Variants in RERE observed in about 807,000 individuals in gnomAD.
RERE encodes the protein arginine-glutamic acid dipeptide repeats.
A neutral mutation model predicts 146.1 loss-of-function variants in RERE; 40 were observed. The ratio of observed to expected loss-of-function variants is 0.27; its 90% CI spans 0.21 to 0.36. The LOEUF (loss-of-function observed/expected upper bound fraction) is 0.36, where lower values mean the gene tolerates loss of function less well. Ranked by LOEUF, RERE falls within the 10% of genes least tolerant of loss-of-function variation. RERE has a pLI of 1.00. For synonymous variants in RERE, 1,003 were observed against 866.0 expected (o/e 1.16, Z -2.78); for missense variants, 1,933 against 2,138.7 (o/e 0.90, Z 1.90).
chr1:8,483,985 T>C (rs1297570681), intron 10 of RERE, among the ~76,000 whole-genome samples: 1 of 152,172 alleles, frequency 6.6e-6, no homozygotes, highest in Non-Finnish European at 1.5e-5. Context: ...GGCAATAAAT[T>C]ACTGAGAAAG....
chr1:8,485,013 A>G (rs145901561), intron 10 of RERE, among the ~76,000 whole-genome samples: 115 of 152,352 alleles, frequency 7.5e-4, no homozygotes, highest in African/African-American at 2.7e-3. Context: ...TCATGTGGCC[A>G]TGAAAATAAG....
intron 11 of RERE, among the ~76,000 whole-genome samples, chr1:8,445,803 T>C (rs1356119943): frequency 1.3e-5 from 2 of 152,056 alleles, no homozygotes; most frequent in Non-Finnish European, 2.9e-5. Flanking sequence ...GTATTTTTCC[T>C]AATGCTATCC....
At chr1:8,521,734 A>T (rs192000530) in intron 7 of RERE, among the ~76,000 whole-genome samples, 24 of 152,146 alleles carry the variant, frequency 1.6e-4, no homozygotes, top group African/African-American at 5.8e-4. Context: ...CCCAATTGTC[A>T]CTTATTAGGT....
intron 1 of RERE, chr1:8,753,511 A>C (rs1640579651): frequency 6.6e-6 from 1 of 152,158 alleles, no homozygotes; most frequent in Non-Finnish European, 1.5e-5. Context: ...ATTTTAAAAG[A>C]TTTTAAAATG....
In RERE at chr1:8,364,109, C is replaced by A. The variant is rs1195390546; in HGVS notation, c.1687G>T (p.Asp563Tyr). 6.2e-7 allele frequency: 1 copy of A among 1,614,094 alleles called. No individual in the cohort carries two copies. The highest frequency in any genetic ancestry group is 8.5e-7 in the Non-Finnish European group (1 of 1,180,052). ...PFMFKPVKEE[D>Y]DGLSGKHSMR... ...CTATGCTTCCCACTGAGCCCATCAT[C>A]CTCTTCCTTGACGGGTTTGAACATA... Residue 563 changes from aspartate (D) to tyrosine (Y), a missense_variant, in exon 15 of 23, where the codon GAT becomes TAT. Physicochemically the swap from Asp to Tyr is radical, Grantham distance 160 (BLOSUM62 -3). Transcript: ENST00000400908. The surrounding 1 kb of genome is among the most constrained non-coding windows in gnomAD (Gnocchi z 5.1).
intron 1 of RERE, among the ~76,000 whole-genome samples, chr1:8,661,803 G>A (rs921084068): frequency 1.3e-5 from 2 of 152,204 alleles, no homozygotes; most frequent in Non-Finnish European, 2.9e-5. Flanking sequence ...CAGAGTCGAA[G>A]TTGGCAGAGG....
intron 1 of RERE, among the ~76,000 whole-genome samples, chr1:8,721,769 T>C (rs1286884360): frequency 6.6e-6 from 1 of 152,208 alleles, no homozygotes; most frequent in East Asian, 1.9e-4. Flanking sequence ...TATGTTCTCC[T>C]TTCTGACTGC....
chr1:8,638,377 G>A (rs1347957459), intron 2 of RERE, among the ~76,000 whole-genome samples: 2 of 152,178 alleles, frequency 1.3e-5, no homozygotes, highest in South Asian at 2.1e-4. Context: ...CATAAATGAA[G>A]TGAATGCTGA....
intron 12 of RERE, among the ~76,000 whole-genome samples, chr1:8,413,715 A>G (rs1643678423): frequency 6.6e-6 from 1 of 152,050 alleles, no homozygotes; most frequent in African/African-American, 2.4e-5. Flanking sequence ...TGTAACAGCA[A>G]CCAGCCTGGG....
At chr1:8,607,516 T>C (rs1395247733) in intron 4 of RERE, among the ~76,000 whole-genome samples, 1 of 148,250 alleles carries the variant, frequency 6.7e-6, no homozygotes, top group African/African-American at 2.5e-5. Context: ...CCCCGCATAT[T>C]TGTTTTTATA....
intron 1 of RERE, among the ~76,000 whole-genome samples, chr1:8,678,955 T>C (rs1638905149): frequency 6.6e-6 from 1 of 152,196 alleles, no homozygotes; most frequent in African/African-American, 2.4e-5. Context: ...CATGGCTATT[T>C]AAATAAATTT....
At chr1:8,504,360 GA>G (rs1397799225) in intron 8 of RERE, among the ~76,000 whole-genome samples, 2 of 152,204 alleles carry the variant, frequency 1.3e-5, no homozygotes, top group African/African-American at 4.8e-5. Context: ...TACGAAGGAA[GA>G]TGCTCCTACT....
intron 1 of RERE, among the ~76,000 whole-genome samples, chr1:8,777,660 G>C (rs1569776801): frequency 6.7e-6 from 1 of 150,304 alleles, no homozygotes; most frequent in African/African-American, 2.4e-5. Flanking sequence ...TCAGCCTCCT[G>C]AGTAGCTGGG....
At chr1:8,681,497 A>G (rs1160654418) in intron 1 of RERE, among the ~76,000 whole-genome samples, 1 of 152,184 alleles carries the variant, frequency 6.6e-6, no homozygotes, top group Admixed American at 6.5e-5. Context: ...AAAGGCAAAT[A>G]TTTACTTAGC....
intron 8 of RERE, among the ~76,000 whole-genome samples, chr1:8,498,099 G>A (rs778431822): frequency 1.4e-4 from 21 of 152,206 alleles, no homozygotes; most frequent in African/African-American, 3.4e-4. Flanking sequence ...GGTGGCTCAC[G>A]CCTGTAATCC....
chr1:8,543,090 C>T (rs1645818345), intron 6 of RERE, among the ~76,000 whole-genome samples: 1 of 152,160 alleles, frequency 6.6e-6, no homozygotes, highest in South Asian at 2.1e-4. Flanking sequence ...ATTTCCATCA[C>T]AGCAGAAAGT....
intron 4 of RERE, among the ~76,000 whole-genome samples, chr1:8,576,142 A>G (rs1646291696): frequency 1.3e-5 from 2 of 152,158 alleles, no homozygotes; most frequent in Non-Finnish European, 2.9e-5. Context: ...TGTCCTTGTA[A>G]GAAACACACA....
At chr1:8,368,658 A>C (rs2124383732) in intron 12 of RERE, among the ~76,000 whole-genome samples, 1 of 152,278 alleles carries the variant, frequency 6.6e-6, no homozygotes, top group Non-Finnish European at 1.5e-5. Context: ...TCTAAATAGC[A>C]TTTGTCTATA....
At position 8,423,375 on chromosome 1, in the gene RERE, A is replaced by C. The variant is rs996725684; in HGVS notation, c.1204-568T>G. On this transcript the variant is annotated intron_variant, in intron 11 of 22. Transcript: ENST00000400908. The surrounding 1 kb of genome is among the most constrained non-coding windows in gnomAD (Gnocchi z 5.4). ...GGCCTGCCCCACCGTCCGTCATTAA[A>C]AGCCACTCCGAGACACCAGAGAATA... is the stretch of plus-strand genomic sequence containing the variant. 1.3e-5 allele frequency: 3 copies of C among 231,622 alleles called. No individual in the cohort carries two copies. The highest frequency in any genetic ancestry group is 2.3e-5 in the African/African-American group (1 of 42,784). 14.3% of individuals were successfully genotyped at this position (231,622 alleles called of 1,614,324 possible).
Sources: gnomAD v4.1 joint callset for allele counts (sites outside exome capture counted in the v4.1 genomes callset) on GRCh38, gnomAD v4.1.1 for gene constraint, Gnocchi (gnomAD v3.1) non-coding constraint, MANE v1.5 for transcripts, NCBI Gene and HGNC (gene_info 2026-07-23, HGNC 2026-07-21) for gene names.